LPAR1: variants seen among roughly 807,000 people sequenced by gnomAD.
LPAR1 encodes the protein lysophosphatidic acid receptor 1.
A neutral mutation model predicts 23.8 loss-of-function variants in LPAR1; 5 were observed. That is an observed-to-expected ratio of 0.21 (90% CI 0.11 to 0.44). LPAR1 has a LOEUF of 0.44. Among genes scored for constraint, LPAR1 ranks in the 20% least tolerant of loss-of-function variants. LPAR1 has a pLI of 0.99. For missense variants in LPAR1, 311 were observed against 482.8 expected (o/e 0.64, Z 3.33); for synonymous variants, 160 against 164.7 (o/e 0.97, Z 0.22).
At chr9:110,898,079 G>T (rs2087106626) in intron 5 of LPAR1, among the ~76,000 whole-genome samples, 1 of 152,200 alleles carries the variant, frequency 6.6e-6, no homozygotes, top group Admixed American at 6.5e-5. Flanking sequence ...GAGAAAACTA[G>T]TGACTCATTT....
chr9:110,947,169 T>C (rs569374964), intron 4 of LPAR1, among the ~76,000 whole-genome samples: 1 of 152,306 alleles, frequency 6.6e-6, no homozygotes, highest in South Asian at 2.1e-4. Context: ...AAGTAGCTCA[T>C]ATTTATTGCA....
intron 5 of LPAR1, among the ~76,000 whole-genome samples, chr9:110,902,068 A>G (rs1158562570): frequency 6.6e-6 from 1 of 152,084 alleles, no homozygotes; most frequent in Non-Finnish European, 1.5e-5. Flanking sequence ...AGACCCTACA[A>G]CCAGAGGAAT....
At chr9:110,955,008 G>A (rs4978430) in intron 4 of LPAR1, among the ~76,000 whole-genome samples, 66,084 of 151,926 alleles carry the variant, frequency 0.43, 14,765 homozygotes, top group East Asian at 0.81. Flanking sequence ...ATGATAAACA[G>A]TAAGAAAGAA....
At chr9:111,007,271 GC>G (rs2097238407) in intron 2 of LPAR1, among the ~76,000 whole-genome samples, 1 of 151,980 alleles carries the variant, frequency 6.6e-6, no homozygotes, top group Non-Finnish European at 1.5e-5. Flanking sequence ...TTTCTTTACA[GC>G]AGTATAAAAA....
chr9:110,895,406 G>A (rs2085966167), intron 5 of LPAR1, among the ~76,000 whole-genome samples: 1 of 152,228 alleles, frequency 6.6e-6, no homozygotes, highest in African/African-American at 2.4e-5. Flanking sequence ...CCACTAGGCT[G>A]GGTGGGCTGC....
intron 2 of LPAR1, among the ~76,000 whole-genome samples, chr9:111,033,310 C>T (rs1440625779): frequency 6.6e-6 from 1 of 152,078 alleles, no homozygotes; most frequent in Non-Finnish European, 1.5e-5. Context: ...CTAAAAAATG[C>T]CAAAGAGTTT....
chr9:110,952,111 G>C (rs956159081), intron 4 of LPAR1, among the ~76,000 whole-genome samples: 8 of 152,136 alleles, frequency 5.3e-5, no homozygotes, highest in Non-Finnish European at 1.0e-4. Context: ...CTAAAAAAGA[G>C]TACTAGAATT....
rs184672877 is a variant in LPAR1, at chr9:110,882,671, T to C, written c.794-6949A>G. 1.9e-4 allele frequency among the ~76,000 whole-genome samples: 29 copies of C among 152,262 alleles called. 1 individual carries two copies. In the East Asian group the frequency reaches 5.4e-3, roughly 28 times the overall value. The stretch of plus-strand genomic sequence containing the variant: ...GATACATAATAAAAGTGCAAGCACA[T>C]GAATGAGAACAAGCAGCAGCAATTT... On this transcript the variant is annotated intron_variant, in intron 5 of 5. Coordinates refer to ENST00000683809, the MANE Select transcript of LPAR1 (RefSeq NM_001351411.2).
intron 5 of LPAR1, among the ~76,000 whole-genome samples, chr9:110,912,149 ATACT>A (rs2092533580): frequency 6.6e-6 from 1 of 152,202 alleles, no homozygotes; most frequent in South Asian, 2.1e-4. Context: ...CAGTTTTTAA[ATACT>A]TAATAATAGA....
At chr9:110,943,687 C>T (rs1344338742) in intron 4 of LPAR1, among the ~76,000 whole-genome samples, 1 of 151,818 alleles carries the variant, frequency 6.6e-6, no homozygotes, top group Non-Finnish European at 1.5e-5. Flanking sequence ...TGGTGAAACC[C>T]CCTCTCTACT....
chr9:110,927,833 T>C (rs963117556), intron 5 of LPAR1, among the ~76,000 whole-genome samples: 6 of 152,170 alleles, frequency 3.9e-5, no homozygotes, highest in South Asian at 2.1e-4. Context: ...ACAAAGATTT[T>C]AGTCGTATGA....
intron 2 of LPAR1, among the ~76,000 whole-genome samples, chr9:111,014,009 C>T (rs62570357): frequency 0.17 from 26,581 of 152,060 alleles, 2,969 homozygotes; most frequent in African/African-American, 0.31. Flanking sequence ...TTTCAGCCCT[C>T]CAAAATACCC....
At chr9:110,965,110 C>T (rs1164419099) in intron 4 of LPAR1, among the ~76,000 whole-genome samples, 9 of 151,988 alleles carry the variant, frequency 5.9e-5, no homozygotes, top group Non-Finnish European at 4.4e-5. Context: ...ACAGGTGATC[C>T]ACCAGTCTCA....
At chr9:110,926,067 C>T (rs2094003825) in intron 5 of LPAR1, among the ~76,000 whole-genome samples, 1 of 152,144 alleles carries the variant, frequency 6.6e-6, no homozygotes, top group Non-Finnish European at 1.5e-5. Context: ...ACTACAGGCG[C>T]CTGCCACTGC....
At chr9:110,926,455 T>A (rs896212389) in intron 5 of LPAR1, among the ~76,000 whole-genome samples, 2 of 152,230 alleles carry the variant, frequency 1.3e-5, no homozygotes, top group Non-Finnish European at 1.5e-5. Context: ...CTCCTCAGGA[T>A]AATATAAAAT....
chr9:110,983,890 A>G (rs2096725970), intron 2 of LPAR1, among the ~76,000 whole-genome samples: 1 of 152,076 alleles, frequency 6.6e-6, no homozygotes. Context: ...AGAAATATGG[A>G]ACGACTCAAA....
chr9:110,960,434 T>C (rs1317524364), intron 4 of LPAR1, among the ~76,000 whole-genome samples: 3 of 152,198 alleles, frequency 2.0e-5, no homozygotes, highest in Non-Finnish European at 4.4e-5. Context: ...TAAGTATCAA[T>C]TAATGGTCTG....
chr9:110,980,474 C>T (rs1396903452), intron 2 of LPAR1, among the ~76,000 whole-genome samples: 1 of 151,852 alleles, frequency 6.6e-6, no homozygotes, highest in African/African-American at 2.4e-5. Flanking sequence ...TTTGCAGCAA[C>T]ACGGGTGAGC....
intron 5 of LPAR1, among the ~76,000 whole-genome samples, chr9:110,936,879 G>A (rs1418608775): frequency 6.6e-6 from 1 of 152,156 alleles, no homozygotes; most frequent in African/African-American, 2.4e-5. Context: ...AAAAGGAAAG[G>A]ACTTATAATT....
Sources: allele counts gnomAD v4.1 joint callset (sites outside exome capture counted in the v4.1 genomes callset), GRCh38; gene constraint gnomAD v4.1.1; transcripts MANE v1.5; gene names NCBI Gene and HGNC (gene_info 2026-07-23, HGNC 2026-07-21).